Variants in TMEM259 observed in about 807,000 individuals in gnomAD.
TMEM259 encodes transmembrane protein 259.
TMEM259 carries 26 observed loss-of-function variants against 46.7 expected under a neutral mutation model. The ratio of observed to expected loss-of-function variants is 0.56; its 90% CI spans 0.41 to 0.77. The LOEUF (loss-of-function observed/expected upper bound fraction) is 0.77. Among genes scored for constraint, TMEM259 ranks in the 30% least tolerant of loss-of-function variants. The pLI, the probability that TMEM259 is intolerant of heterozygous loss-of-function variation, is 0.00. For synonymous variants in TMEM259, 494 were observed against 395.1 expected (o/e 1.25, Z -2.97); for missense variants, 930 against 900.5 (o/e 1.03, Z -0.42).
intron 1 of TMEM259, among the ~76,000 whole-genome samples, chr19:1,014,812 C>A (rs2039056056): frequency 6.6e-6 from 1 of 152,202 alleles, no homozygotes; most frequent in African/African-American, 2.4e-5. Flanking sequence ...CCGGACGAAG[C>A]CAGCAGGCCG....
intron 1 of TMEM259, among the ~76,000 whole-genome samples, 181 bp from the exon 2 acceptor site, chr19:1,014,654 G>C (rs1317346536): frequency 3.3e-5 from 5 of 152,176 alleles, no homozygotes; most frequent in African/African-American, 9.7e-5. Context: ...ACTGCACCGG[G>C]CCAGCCCCTC....
intron 1 of TMEM259, among the ~76,000 whole-genome samples, chr19:1,016,880 G>C (rs78430277): frequency 0.034 from 5,175 of 152,236 alleles, 302 homozygotes; most frequent in African/African-American, 0.12. Context: ...CGTGATGAGA[G>C]GGCACCAGTG....
chr19:1,016,381 C>T (rs1369288180), intron 1 of TMEM259, among the ~76,000 whole-genome samples: 2 of 152,148 alleles, frequency 1.3e-5, no homozygotes, highest in African/African-American at 4.8e-5. Flanking sequence ...TGGTGGGTCA[C>T]GGTCAGAGAC....
rs778133543 is a variant in TMEM259 at position 1,011,829 on chromosome 19, G to A, written c.943-31C>T. ...AGGGGCGCGCAGGAAGCGCTATGAG[G>A]GGCTGCGAGGGCCTGCTTGGCTCCC... is the stretch of plus-strand genomic sequence containing the variant. On this transcript the variant is annotated intron_variant, in intron 6 of 10. Transcript: ENST00000356663. 4.5e-5 allele frequency: 72 copies of A among 1,586,808 alleles called. No individual in the cohort carries two copies. In the South Asian group the frequency reaches 7.2e-4, roughly 16 times the overall value.
In TMEM259 at chr19:1,015,980, G is replaced by A. The variant is rs374765392; in HGVS notation, c.226-1507C>T. On this transcript the variant is annotated intron_variant, in intron 1 of 10. Transcript: ENST00000356663. ...CACGGATAAAGCCCTGGGTCTAGCC[G>A]CACGTGCACCTGGGGCGAGCCCCAT... Among the ~76,000 whole-genome samples, 25 of 152,358 alleles carry A rather than the reference G, an allele frequency of 1.6e-4. No homozygotes were observed. In the East Asian group the frequency reaches 3.1e-3, roughly 19 times the overall value.
At chr19:1,013,437 GCCT>G in intron 2 of TMEM259, 97 bp from the exon 3 acceptor site, 1 of 1,258,412 alleles carries the variant, frequency 7.9e-7, no homozygotes, top group Non-Finnish European at 1.1e-6. Flanking sequence ...GGGACTGGAA[GCCT>G]CAGCCTCTGC....
rs2038840149 is a variant in TMEM259, at chr19:1,009,890, G to C, written c.*460C>G. The C allele has an allele frequency of 5.5e-6, 2 of 365,858 alleles. No homozygotes were observed. Among genetic ancestry groups the C allele is most frequent in the Admixed American group, 9.7e-5 (2 of 20,606 alleles). The allele number at this position is 365,858 out of a possible 1,614,324, so 22.7% of individuals were successfully genotyped here. On this transcript the variant is annotated 3_prime_UTR_variant, in exon 11 of 11. Transcript: ENST00000356663. ...TGCTCTCCCGGGGACCCCAAGCCTG[G>C]CGCACACGCGGGGAGGGCGGGGCCA...
chr19:1,016,426 GGA>G (rs1271677533), intron 1 of TMEM259, among the ~76,000 whole-genome samples: 3 of 152,250 alleles, frequency 2.0e-5, no homozygotes, highest in Admixed American at 1.3e-4. Context: ...AGCACTCTCA[GGA>G]GAGAGGGGCC....
At chr19:1,018,080 G>A (rs977362369) in intron 1 of TMEM259, among the ~76,000 whole-genome samples, 4 of 152,154 alleles carry the variant, frequency 2.6e-5, no homozygotes, top group African/African-American at 4.8e-5. Context: ...GTGCTGAGTC[G>A]AGACCCCTTC....
intron 7 of TMEM259, 25 bp downstream of exon 7, chr19:1,011,716 C>T (rs1599473194): frequency 2.0e-6 from 3 of 1,532,954 alleles, no homozygotes; most frequent in South Asian, 2.4e-5. Flanking sequence ...ACGCCCGCCC[C>T]GCCCTGCGCC....
chr19:1,019,314 C>T (rs538175034), intron 1 of TMEM259, among the ~76,000 whole-genome samples: 1 of 152,344 alleles, frequency 6.6e-6, no homozygotes, highest in African/African-American at 2.4e-5. Flanking sequence ...AGCCTAAGGA[C>T]ACAGTGGCTC....
intron 3 of TMEM259, among the ~76,000 whole-genome samples, chr19:1,012,798 C>A (rs1210845409): frequency 6.6e-6 from 1 of 152,204 alleles, no homozygotes; most frequent in Admixed American, 6.5e-5. Context: ...CTCCCGTGGC[C>A]CCCTCTCCCT....
rs368245667 is a variant in TMEM259, at chr19:1,011,168, G to A, written c.1245C>T (p.Phe415=). The change falls in exon 10 of 11, where the codon TTC becomes TTT. Residue 415 remains phenylalanine, a synonymous_variant. Transcript: ENST00000356663. The part of the protein sequence containing the change: ...LRFFYLYHFA[F]YAYHYRFNGQ... ...CATTGAAGCGGTAGTGATAGGCATA[G>A]AAGGCGAAGTGGTAGAGATAGAAGA... 7.5e-6 allele frequency: 12 copies of A among 1,603,378 alleles called. No individual in the cohort carries two copies. In the African/African-American group the frequency reaches 1.3e-4, roughly 18 times the overall value.
rs745997144 is a variant in TMEM259 at position 1,010,841 on chromosome 19, C to T, written c.1372G>A (p.Val458Ile). ...TGAAGCAGCATCTCCTGGATGCGGA[C>T]CTGCTGCAGGATGGCAGGCAGCTCG... ...HYELPAILQQ[V>I]RIQEMLLQAP... The change falls in exon 11 of 11, where the codon GTC becomes ATC. Residue 458 changes from valine (V) to isoleucine (I), a missense_variant. Coordinates refer to ENST00000356663, the MANE Select transcript of TMEM259 (RefSeq NM_001033026.2). The T allele has an allele frequency of 3.8e-6, 6 of 1,592,574 alleles. No individual in the cohort carries two copies. The highest frequency in any genetic ancestry group is 1.7e-5 in the Admixed American group (1 of 59,522).
chr19:1,015,207 C>T (rs988639077), intron 1 of TMEM259, among the ~76,000 whole-genome samples: 3 of 152,208 alleles, frequency 2.0e-5, no homozygotes, highest in African/African-American at 7.2e-5. Flanking sequence ...CACGGCAGGG[C>T]GAGGCTGCCG....
At position 1,011,585 on chromosome 19, in the gene TMEM259, A is replaced by G; in HGVS notation, c.1079T>C (p.Leu360Pro). Reference protein sequence around the residue: ...AAPLLTVILALVGMEAIMSEF... With the variant: ...AAPLLTVILAPVGMEAIMSEF... ...AGGCCGGGTGGGGTCCTCACCGACG[A>G]GGGCCAGGATGACGGTCAGCAGGGG... Residue 360 changes from leucine to proline, a missense_variant, in exon 8 of 11, where the codon CTC (leucine) becomes CCC (proline). By Grantham distance (98) the Leu-to-Pro change is moderately conservative. Coordinates refer to ENST00000356663, the MANE Select transcript of TMEM259 (RefSeq NM_001033026.2). The G allele has an allele frequency of 6.5e-7, 1 of 1,543,658 alleles. No homozygotes were observed. Among genetic ancestry groups the G allele is most frequent in the Non-Finnish European group, 8.7e-7 (1 of 1,145,142 alleles).
chr19:1,020,284 G>A lies in TMEM259; in HGVS notation c.225+488C>T, dbSNP rs1014006423. ...CTTCCAGGACAGGGGTTGGTCCGAG[G>A]GAGACCTGCGTCAGGCTGGGTTCTG... On this transcript the variant is annotated intron_variant, in intron 1 of 10. Coordinates refer to ENST00000356663, the MANE Select transcript of TMEM259 (RefSeq NM_001033026.2). This position sits in a 1 kb window ranked among gnomAD's most constrained non-coding sequence, Gnocchi z 4.0. Among the ~76,000 whole-genome samples the A allele has an allele frequency of 1.3e-5, 2 of 151,990 alleles. No homozygotes were observed. The highest frequency in any genetic ancestry group is 2.9e-5 in the Non-Finnish European group (2 of 67,978).
Position 1,020,741 on chromosome 19 carries a change from G to A in TMEM259, c.225+31C>T, listed in dbSNP as rs369419595. On this transcript the variant is annotated intron_variant, in intron 1 of 10. Coordinates refer to ENST00000356663, the MANE Select transcript of TMEM259 (RefSeq NM_001033026.2). The surrounding 1 kb of genome is among the most constrained non-coding windows in gnomAD (Gnocchi z 4.0). ...CTTGGGGGTCGGGACAGCCGCTGGGGTCAAGGGTCGGGGGTCGGGGCCGCG... is the reference window on the plus strand; with the variant it reads ...CTTGGGGGTCGGGACAGCCGCTGGGATCAAGGGTCGGGGGTCGGGGCCGCG... The A allele has an allele frequency of 2.1e-3, 2,701 of 1,286,642 alleles. 6 individuals carry two copies. The highest frequency in any genetic ancestry group is 2.6e-3 in the Non-Finnish European group (2,598 of 1,009,134). 79.7% of individuals were successfully genotyped at this position (1,286,642 alleles called of 1,614,324 possible).
rs2145551226 is a variant in TMEM259 at position 1,009,966 on chromosome 19, G to A, written c.*384C>T. The A allele has an allele frequency of 9.5e-6, 3 of 315,722 alleles. No individual in the cohort carries two copies. The highest frequency in any genetic ancestry group is 7.9e-5 in the South Asian group (1 of 12,614). 19.6% of individuals were successfully genotyped at this position (315,722 alleles called of 1,614,324 possible). Reference sequence around the variant, plus strand: ...AGGCAGAGCCGGGCTGAGGCCGGCCGGCACTAGGGCGCGAGGCCCCACCCC... The same window carrying A: ...AGGCAGAGCCGGGCTGAGGCCGGCCAGCACTAGGGCGCGAGGCCCCACCCC... On this transcript the variant is annotated 3_prime_UTR_variant, in exon 11 of 11. Coordinates refer to ENST00000356663, the MANE Select transcript of TMEM259 (RefSeq NM_001033026.2).
Sources: gnomAD v4.1 joint callset for allele counts (sites outside exome capture counted in the v4.1 genomes callset) on GRCh38, gnomAD v4.1.1 for gene constraint, Gnocchi (gnomAD v3.1) non-coding constraint, MANE v1.5 for transcripts, NCBI Gene and HGNC (gene_info 2026-07-23, HGNC 2026-07-21) for gene names.